The following KARS1 variants were observed in gnomAD, a reference collection of about 807,000 sequenced individuals.
The protein encoded by KARS1 is lysine--tRNA ligase.
A neutral mutation model predicts 63.9 loss-of-function variants in KARS1; 50 were observed. That is an observed-to-expected ratio of 0.78 (90% CI 0.62 to 0.99). The LOEUF (loss-of-function observed/expected upper bound fraction) is 0.99, where lower values mean the gene tolerates loss of function less well. Among genes scored for constraint, KARS1 ranks in the 50% least tolerant of loss-of-function variants. KARS1 has a pLI of 0.00. For synonymous variants in KARS1, 320 were observed against 264.6 expected (o/e 1.21, Z -2.03); for missense variants, 816 against 754.5 (o/e 1.08, Z -0.95).
At chr16:75,630,772 T>C (rs1337467024) in intron 10 of KARS1, among the ~76,000 whole-genome samples, 4 of 152,024 alleles carry the variant, frequency 2.6e-5, no homozygotes, top group Non-Finnish European at 5.9e-5. Flanking sequence ...ATAGCGGGGA[T>C]TACAGGTGCC....
At chr16:75,639,852 G>T in intron 3 of KARS1, 1 of 281,106 alleles carries the variant, frequency 3.6e-6, no homozygotes, top group East Asian at 8.0e-5. Context: ...AAAGAGCAAT[G>T]TTCTAGAAAT....
intron 11 of KARS1, 98 bp downstream of exon 11, chr16:75,630,325 A>C: frequency 1.3e-6 from 1 of 790,294 alleles, no homozygotes; most frequent in Non-Finnish European, 2.1e-6. Context: ...ACCACCCAGC[A>C]GAAAGACCAC....
At chr16:75,628,458 C>T (rs1448414270) in intron 13 of KARS1, 111 bp downstream of exon 13, 4 of 1,277,496 alleles carry the variant, frequency 3.1e-6, no homozygotes, top group Non-Finnish European at 4.5e-6. Flanking sequence ...GCCTGCTCCT[C>T]TTCCCAGCCC....
At chr16:75,636,388 A>G in intron 4 of KARS1, 66 bp downstream of exon 4, 1 of 1,008,336 alleles carries the variant, frequency 9.9e-7, no homozygotes, top group African/African-American at 1.6e-5. Context: ...GTAAGACCAC[A>G]TCAGCCTATT....
At chr16:75,633,080 C>T (rs547237980) in intron 7 of KARS1, among the ~76,000 whole-genome samples, 1 of 152,302 alleles carries the variant, frequency 6.6e-6, no homozygotes, top group African/African-American at 2.4e-5. Flanking sequence ...ACCATGGTAC[C>T]TGGACTTTAA....
In KARS1 at chr16:75,631,507, G is replaced by A. The variant is rs560091813; in HGVS notation, c.1161C>T (p.Phe387=). 2.3e-4 allele frequency: 377 copies of A among 1,614,168 alleles called. 1 individual carries two copies. In the East Asian group the frequency reaches 8.1e-3, roughly 35 times the overall value. ...GPEGQAYDVD[F]TPPFRRINMV... ...TGTTGATTCGCCGGAAGGGTGGGGT[G>A]AAGTCAACATCGTAGGCTTGGCCCT... Residue 387 remains phenylalanine, a synonymous_variant, in exon 9 of 14, where the codon TTC becomes TTT. Transcript: ENST00000302445.
chr16:75,646,690 A>C (rs1234783118), intron 1 of KARS1, among the ~76,000 whole-genome samples: 1 of 149,704 alleles, frequency 6.7e-6, no homozygotes, highest in Non-Finnish European at 1.5e-5. Context: ...CAAGTCTCCC[A>C]GGCTGGAGTG....
At chr16:75,631,986 C>T in intron 7 of KARS1, 131 bp from the exon 8 acceptor site, 1 of 1,060,854 alleles carries the variant, frequency 9.4e-7, no homozygotes, top group Non-Finnish European at 1.4e-6. Flanking sequence ...CTCCTAGGTT[C>T]AAGCAATTCT....
intron 1 of KARS1, chr16:75,644,511 AT>A: frequency 7.3e-7 from 1 of 1,370,640 alleles, no homozygotes; most frequent in South Asian, 1.4e-5. Flanking sequence ...GACAGTATAC[AT>A]ATACCCAACC....
intron 7 of KARS1, among the ~76,000 whole-genome samples, chr16:75,632,194 G>T (rs1215893264): frequency 6.6e-6 from 1 of 152,118 alleles, no homozygotes; most frequent in African/African-American, 2.4e-5. Context: ...CCGGCCCCAT[G>T]ACAGCTAATC....
chr16:75,645,545 A>T (rs2082271053), intron 1 of KARS1, among the ~76,000 whole-genome samples: 2 of 152,116 alleles, frequency 1.3e-5, no homozygotes, highest in South Asian at 4.1e-4. Flanking sequence ...AGCTGTATTT[A>T]ATTTTAGAAA....
Position 75,630,526 on chromosome 16 carries a change from G to A in KARS1, c.1339-18C>T. 1 of 1,512,670 alleles carries A rather than the reference G, an allele frequency of 6.6e-7. No individual in the cohort carries two copies. Among genetic ancestry groups the A allele is most frequent in the Non-Finnish European group, 9.2e-7 (1 of 1,088,312 alleles). 93.7% of individuals were successfully genotyped at this position (1,512,670 alleles called of 1,614,324 possible). On this transcript the variant is annotated intron_variant, in intron 10 of 13. Transcript: ENST00000302445. ...CCAACAAGCTTAATGAGAAAGCAAAGCAGAGTCAGTCACCATTTCTGAATA... is the reference window on the plus strand; with the variant it reads ...CCAACAAGCTTAATGAGAAAGCAAAACAGAGTCAGTCACCATTTCTGAATA...
At chr16:75,639,954 C>A in intron 3 of KARS1, 1 of 564,850 alleles carries the variant, frequency 1.8e-6, no homozygotes, top group South Asian at 2.1e-5. Flanking sequence ...GAAGGGAATC[C>A]TTATAGAGAA....
At chr16:75,629,254 A>G (rs2082083792) in intron 12 of KARS1, among the ~76,000 whole-genome samples, 161 bp downstream of exon 12, 1 of 151,882 alleles carries the variant, frequency 6.6e-6, no homozygotes, top group Non-Finnish European at 1.5e-5. Context: ...ACTCAATACC[A>G]GATGAAGTCA....
At chr16:75,639,318 T>A (rs1336159069) in intron 3 of KARS1, among the ~76,000 whole-genome samples, 2 of 151,972 alleles carry the variant, frequency 1.3e-5, no homozygotes, top group East Asian at 3.9e-4. Flanking sequence ...ACGCCTGTAA[T>A]CCCAGCACTT....
At position 75,634,277 on chromosome 16, in the gene KARS1, T is replaced by C; in HGVS notation, c.811A>G (p.Met271Val). Residue 271 changes from methionine (M) to valine (V), a missense_variant, in exon 7 of 14, where the codon ATG becomes GTG. Coordinates refer to ENST00000302445, the MANE Select transcript of KARS1 (RefSeq NM_005548.3). ...ACGGCTCCCCCTGGGATGATGTTCA[T>C]CATGGGAGTTTCAATCTAAAAAAGG... is the stretch of plus-strand genomic sequence containing the variant. ...LGFLEIETPM[M>V]NIIPGGAVAK... is the part of the protein sequence containing the mutation. 1 of 1,614,072 alleles carries C rather than the reference T, an allele frequency of 6.2e-7. No homozygotes were observed. The highest frequency in any genetic ancestry group is 8.5e-7 in the Non-Finnish European group (1 of 1,179,972).
chr16:75,640,555 G>C (rs993221149), intron 2 of KARS1, among the ~76,000 whole-genome samples: 1 of 152,160 alleles, frequency 6.6e-6, no homozygotes, highest in Non-Finnish European at 1.5e-5. Context: ...ATTTCAAAAT[G>C]CAAGAGTCAA....
Position 75,644,204 on chromosome 16 carries a change from C to T in KARS1, c.63-2481G>A. On this transcript the variant is annotated intron_variant, in intron 1 of 13. Transcript: ENST00000302445. ...TTAGCAACAAGTCCAAAGACTTAGC[C>T]AGAGGCTTAACGGAAAATGAACCAA... 4 of 1,338,142 alleles carry T rather than the reference C, an allele frequency of 3.0e-6. No homozygotes were observed. The South Asian group carries it at 5.1e-5, about 17-fold the overall frequency. The allele number at this position is 1,338,142 out of a possible 1,614,324, so 82.9% of individuals were successfully genotyped here. A position where few individuals can be genotyped will look rare whatever the true frequency, so the allele number is the denominator to read the frequency against.
intron 12 of KARS1, 139 bp downstream of exon 12, chr16:75,629,276 T>C: frequency 9.9e-7 from 1 of 1,006,416 alleles, no homozygotes; most frequent in Non-Finnish European, 1.5e-6. Flanking sequence ...CATCTTGAAA[T>C]GTGACTCCTC....
Sources: gnomAD v4.1 joint callset for allele counts (sites outside exome capture counted in the v4.1 genomes callset) on GRCh38, gnomAD v4.1.1 for gene constraint, MANE v1.5 for transcripts, NCBI Gene and HGNC (gene_info 2026-07-23, HGNC 2026-07-21) for gene names.